SNTG1: variants seen among roughly 807,000 people sequenced by gnomAD.
The protein encoded by SNTG1 is gamma-1-syntrophin.
In SNTG1, 39 loss-of-function variants were observed where a neutral mutation model predicts 74.7. That is an observed-to-expected ratio of 0.52 (90% CI 0.40 to 0.68). SNTG1 has a LOEUF of 0.68. Ranked by LOEUF, SNTG1 falls within the 30% of genes least tolerant of loss-of-function variation. The pLI is 0.00. For synonymous variants in SNTG1, 254 were observed against 217.1 expected (o/e 1.17, Z -1.49); for missense variants, 685 against 609.5 (o/e 1.12, Z -1.30).
At chr8:49,952,695 C>G (rs1809829883) in intron 1 of SNTG1, among the ~76,000 whole-genome samples, 4 of 152,188 alleles carry the variant, frequency 2.6e-5, no homozygotes. Context: ...TGATGCCACA[C>G]CAGTGGACTA....
At chr8:50,010,623 A>G (rs961402252) in intron 1 of SNTG1, among the ~76,000 whole-genome samples, 5 of 152,038 alleles carry the variant, frequency 3.3e-5, no homozygotes, top group Non-Finnish European at 7.4e-5. Flanking sequence ...ACAAATACCA[A>G]TGCAGTTATC....
At chr8:50,162,593 A>G (rs915542530) in intron 1 of SNTG1, among the ~76,000 whole-genome samples, 8 of 151,590 alleles carry the variant, frequency 5.3e-5, no homozygotes, top group Non-Finnish European at 1.0e-4. Flanking sequence ...AAAAAGAAAG[A>G]AAACACCAGT....
chr8:50,544,503 C>T lies in SNTG1; in HGVS notation c.680+7695C>T, dbSNP rs2623209. Among the ~76,000 whole-genome samples the T allele has an allele frequency of 2.5e-3, 380 of 151,720 alleles. 2 individuals are homozygous for T. The highest frequency in any genetic ancestry group is 8.8e-3 in the African/African-American group (366 of 41,420). ...TAAGAGAATGTATATTTTTTAAAAG[C>T]GTACATTTATTTACTTTTTGATTTA... is the stretch of plus-strand genomic sequence containing the variant. On this transcript the variant is annotated intron_variant, in intron 11 of 18. Transcript: ENST00000642720.
At chr8:50,090,765 GC>G (rs2079697572) in intron 1 of SNTG1, among the ~76,000 whole-genome samples, 1 of 152,112 alleles carries the variant, frequency 6.6e-6, no homozygotes, top group Non-Finnish European at 1.5e-5. Context: ...ATCAGGAAGA[GC>G]CATTATATCT....
intron 15 of SNTG1, among the ~76,000 whole-genome samples, chr8:50,692,946 G>C (rs559757358): frequency 1.3e-5 from 2 of 152,154 alleles, no homozygotes; most frequent in South Asian, 4.1e-4. Flanking sequence ...AAACTAACCC[G>C]GCAATGGTGG....
chr8:50,089,806 G>A (rs574135165), intron 1 of SNTG1, among the ~76,000 whole-genome samples: 8 of 152,280 alleles, frequency 5.3e-5, no homozygotes, highest in Admixed American at 4.6e-4. Flanking sequence ...TACACTGTCG[G>A]TGGGACTGTA....
At chr8:50,582,922 A>C (rs2094620554) in intron 12 of SNTG1, among the ~76,000 whole-genome samples, 1 of 152,184 alleles carries the variant, frequency 6.6e-6, no homozygotes, top group East Asian at 1.9e-4. Context: ...CTAGAAATCA[A>C]AGATAATTAT....
At chr8:50,678,808 G>C (rs1486734056) in intron 15 of SNTG1, among the ~76,000 whole-genome samples, 3 of 151,958 alleles carry the variant, frequency 2.0e-5, no homozygotes, top group Non-Finnish European at 4.4e-5. Flanking sequence ...TAAAACTATT[G>C]AGAAAATTTT....
rs1234056424 is a variant in SNTG1, at chr8:50,734,809, ATATC to A, written c.1285-17188_1285-17185del. 3.3e-4 allele frequency among the ~76,000 whole-genome samples: 20 copies of A among 61,506 alleles called. No homozygotes were observed. The South Asian group carries it at 0.011, about 35-fold the overall frequency. 40.4% of individuals were successfully genotyped at this position (61,506 alleles called of 152,430 possible). ...TCTATATATATGGACATATATATAGATATCTATATATATGGACATATATATATCT... is the reference window on the plus strand; with the variant it reads ...TCTATATATATGGACATATATATAGATATATATATGGACATATATATATCT... On this transcript the variant is annotated intron_variant, in intron 17 of 18. Transcript: ENST00000642720.
intron 2 of SNTG1, among the ~76,000 whole-genome samples, chr8:50,295,844 T>C (rs1009684690): frequency 6.6e-6 from 1 of 152,174 alleles, no homozygotes; most frequent in Non-Finnish European, 1.5e-5. Context: ...AAGGATATCT[T>C]TGGACAAAAT....
At chr8:50,157,819 A>T (rs574201987) in intron 1 of SNTG1, among the ~76,000 whole-genome samples, 1 of 152,284 alleles carries the variant, frequency 6.6e-6, no homozygotes, top group African/African-American at 2.4e-5. Flanking sequence ...CATAGAAATG[A>T]AAATAAAGAA....
At chr8:50,661,773 C>T (rs1156832013) in intron 15 of SNTG1, among the ~76,000 whole-genome samples, 4 of 152,046 alleles carry the variant, frequency 2.6e-5, no homozygotes, top group African/African-American at 9.7e-5. Context: ...GTTAGTGAGG[C>T]CTGGCGATAA....
At chr8:50,295,718 T>A (rs770679410) in intron 2 of SNTG1, among the ~76,000 whole-genome samples, 2 of 152,204 alleles carry the variant, frequency 1.3e-5, no homozygotes, top group African/African-American at 4.8e-5. Context: ...AGAGTCAGCA[T>A]TTGCTTGGCT....
intron 2 of SNTG1, among the ~76,000 whole-genome samples, chr8:50,378,123 T>A (rs905729111): frequency 9.2e-5 from 14 of 152,176 alleles, no homozygotes; most frequent in African/African-American, 2.7e-4. Context: ...GCAAGGGGTG[T>A]GTGAGTGAGC....
chr8:50,682,875 T>C (rs1470335287), intron 15 of SNTG1, among the ~76,000 whole-genome samples: 1 of 152,190 alleles, frequency 6.6e-6, no homozygotes, highest in African/African-American at 2.4e-5. Context: ...CCTCTCCAAA[T>C]AGCTTAAATA....
intron 1 of SNTG1, among the ~76,000 whole-genome samples, chr8:50,166,994 C>T (rs1236419635): frequency 2.8e-5 from 4 of 142,436 alleles, no homozygotes; most frequent in East Asian, 4.0e-4. Context: ...AAATTGGAAA[C>T]CATCATTCTC....
chr8:49,926,981 T>C (rs1318577804), intron 1 of SNTG1, among the ~76,000 whole-genome samples: 1 of 152,126 alleles, frequency 6.6e-6, no homozygotes, highest in East Asian at 1.9e-4. Flanking sequence ...CAAATAAGCA[T>C]ATGAAAAGAT....
intron 2 of SNTG1, among the ~76,000 whole-genome samples, chr8:50,371,799 C>T (rs1009708807): frequency 1.3e-5 from 2 of 152,142 alleles, no homozygotes; most frequent in East Asian, 1.9e-4. Context: ...TGTCCTACTT[C>T]GTGTCTTCTG....
intron 5 of SNTG1, among the ~76,000 whole-genome samples, chr8:50,448,133 C>T (rs931896067): frequency 1.1e-4 from 16 of 152,100 alleles, no homozygotes; most frequent in African/African-American, 2.9e-4. Context: ...TTGTAACCTA[C>T]GCCAGTAACT....
Sources: allele counts gnomAD v4.1 joint callset (sites outside exome capture counted in the v4.1 genomes callset), GRCh38; gene constraint gnomAD v4.1.1; transcripts MANE v1.5; gene names NCBI Gene and HGNC (gene_info 2026-07-23, HGNC 2026-07-21).